The following CDH19 variants were observed in gnomAD, a reference collection of about 807,000 sequenced individuals.
The protein encoded by CDH19 is cadherin 19.
Under a neutral mutation model 64.2 loss-of-function variants are expected in CDH19, and 67 were observed. The observed-to-expected ratio is 1.04, with a 90% CI of 0.86 to 1.28. The LOEUF is 1.28. CDH19 is among the 50% of genes most tolerant of loss of function. The pLI is 0.00. For missense variants in CDH19, 1,030 were observed against 929.0 expected (o/e 1.11, Z -1.41); for synonymous variants, 346 against 319.3 (o/e 1.08, Z -0.89).
intron 1 of CDH19, among the ~76,000 whole-genome samples, chr18:66,602,756 T>C (rs77208869): frequency 0.04 from 5,919 of 146,506 alleles, 161 homozygotes; most frequent in Middle Eastern, 0.092. Context: ...ATGACATAAA[T>C]TGATTGTTTA....
chr18:66,515,423 A>T (rs890619071), intron 9 of CDH19, among the ~76,000 whole-genome samples: 7 of 151,848 alleles, frequency 4.6e-5, no homozygotes, highest in African/African-American at 1.7e-4. Context: ...GCAGAGTACA[A>T]AATAATACAC....
chr18:66,511,151 C>A (rs1985462055), intron 10 of CDH19, among the ~76,000 whole-genome samples: 1 of 151,126 alleles, frequency 6.6e-6, no homozygotes, highest in Non-Finnish European at 1.5e-5. Context: ...ATTCTAAGCT[C>A]CTAATTGATG....
At chr18:66,530,800 T>G (rs909995293) in intron 8 of CDH19, among the ~76,000 whole-genome samples, 1 of 152,172 alleles carries the variant, frequency 6.6e-6, no homozygotes, top group African/African-American at 2.4e-5. Context: ...CTGTGCATTG[T>G]AGGATGCTTA....
chr18:66,544,728 T>A lies in CDH19; in HGVS notation c.951A>T (p.Ile317=). The A allele has an allele frequency of 6.3e-7, 1 of 1,598,658 alleles. No individual in the cohort carries two copies. The highest frequency in any genetic ancestry group is 8.5e-7 in the Non-Finnish European group (1 of 1,170,738). Residue 317 remains isoleucine, a synonymous_variant, in exon 6 of 12, where the codon ATA becomes ATT. Coordinates refer to ENST00000262150, the MANE Select transcript of CDH19 (RefSeq NM_021153.4). ...ATTTTAACATGTCTACCTTTTTTAA[T>A]ATAACTATTCCTTCTTGAGTTTCAT... is the stretch of plus-strand genomic sequence containing the variant. ...TNHETQEGIV[I]LKKKVDFEHQ...
At chr18:66,522,991 A>T (rs1986060921) in intron 9 of CDH19, among the ~76,000 whole-genome samples, 1 of 152,028 alleles carries the variant, frequency 6.6e-6, no homozygotes, top group Admixed American at 6.5e-5. Context: ...AATTAAAAAT[A>T]GTTGAAAAAA....
At chr18:66,562,413 A>C (rs538150373) in intron 3 of CDH19, among the ~76,000 whole-genome samples, 1 of 152,070 alleles carries the variant, frequency 6.6e-6, no homozygotes, top group South Asian at 2.1e-4. Context: ...AATCCTATGA[A>C]AATCTAATCC....
chr18:66,569,224 A>C (rs1004220852), intron 2 of CDH19, among the ~76,000 whole-genome samples: 1 of 151,702 alleles, frequency 6.6e-6, no homozygotes, highest in Non-Finnish European at 1.5e-5. Context: ...TATTTATTAC[A>C]TGTCATAAAA....
intron 7 of CDH19, among the ~76,000 whole-genome samples, chr18:66,535,896 A>T (rs115261210): frequency 6.8e-6 from 1 of 147,044 alleles, no homozygotes. Flanking sequence ...TATTTATTTT[A>T]TATTATATAT....
chr18:66,539,923 A>G (rs1429875299), intron 7 of CDH19, among the ~76,000 whole-genome samples: 1 of 151,890 alleles, frequency 6.6e-6, no homozygotes, highest in African/African-American at 2.4e-5. Flanking sequence ...TGCTAAGGTT[A>G]TTTATCTTTT....
At chr18:66,596,263 GCTGACTCTCACCA>G (rs1369585184) in intron 1 of CDH19, 1 of 152,162 alleles carries the variant, frequency 6.6e-6, no homozygotes, top group Non-Finnish European at 1.5e-5. Flanking sequence ...AGACAAGGAT[GCTGACTCTCACCA>G]CTCCTATTTA....
chr18:66,502,779 C>A lies in CDH19; in HGVS notation c.*2033G>T, dbSNP rs1038150436. On this transcript the variant is annotated 3_prime_UTR_variant, in exon 12 of 12. Coordinates refer to ENST00000262150, the MANE Select transcript of CDH19 (RefSeq NM_021153.4). ...TTTTCCTCTTTCCTAATAATGGTAT[C>A]ATTGCGTTAAGGATTGACTACATCT... The A allele has an allele frequency of 3.3e-5, 5 of 151,796 alleles. No individual in the cohort carries two copies. The highest frequency in any genetic ancestry group is 1.2e-4 in the African/African-American group (5 of 41,424). 9.4% of individuals were successfully genotyped at this position (151,796 alleles called of 1,614,324 possible).
intron 3 of CDH19, among the ~76,000 whole-genome samples, chr18:66,562,792 AG>A (rs1222804418): frequency 6.6e-6 from 1 of 152,166 alleles, no homozygotes; most frequent in African/African-American, 2.4e-5. Context: ...TAATGTTTAA[AG>A]GTGCTAACCT....
intron 11 of CDH19, among the ~76,000 whole-genome samples, chr18:66,507,985 G>C (rs1354486506): frequency 6.6e-6 from 1 of 151,892 alleles, no homozygotes. Context: ...ATATGGAATT[G>C]ATGGAAGCTA....
intron 7 of CDH19, 85 bp from the exon 8 acceptor site, chr18:66,535,192 C>G: frequency 1.4e-6 from 1 of 735,472 alleles, no homozygotes; most frequent in Admixed American, 3.3e-5. Context: ...AATAAGACAT[C>G]TTATTCAATG....
chr18:66,578,943 G>A (rs1988344381), intron 1 of CDH19, among the ~76,000 whole-genome samples: 1 of 151,892 alleles, frequency 6.6e-6, no homozygotes, highest in Admixed American at 6.6e-5. Flanking sequence ...AACAATCATA[G>A]TGACTGAAAT....
chr18:66,558,545 C>A (rs1987605376), intron 3 of CDH19, among the ~76,000 whole-genome samples: 1 of 151,700 alleles, frequency 6.6e-6, no homozygotes, highest in South Asian at 2.1e-4. Flanking sequence ...ATAAAGAGAT[C>A]ACAATAATAA....
At chr18:66,545,217 A>C (rs1987063772) in intron 5 of CDH19, among the ~76,000 whole-genome samples, 1 of 151,880 alleles carries the variant, frequency 6.6e-6, no homozygotes, top group Admixed American at 6.6e-5. Context: ...TGACCTCATG[A>C]TCCACCTGCC....
At chr18:66,543,818 G>A (rs1437089735) in intron 7 of CDH19, among the ~76,000 whole-genome samples, 153 bp downstream of exon 7, 1 of 152,082 alleles carries the variant, frequency 6.6e-6, no homozygotes. Flanking sequence ...GGGAAGCAGA[G>A]GTGGCAATGA....
At chr18:66,593,383 T>C (rs369235511) in intron 1 of CDH19, among the ~76,000 whole-genome samples, 7 of 152,132 alleles carry the variant, frequency 4.6e-5, no homozygotes, top group African/African-American at 1.4e-4. Context: ...AATTTATCAA[T>C]GTATTATTTA....
Sources: allele counts gnomAD v4.1 joint callset (sites outside exome capture counted in the v4.1 genomes callset), GRCh38; gene constraint gnomAD v4.1.1; transcripts MANE v1.5; gene names NCBI Gene and HGNC (gene_info 2026-07-23, HGNC 2026-07-21).